CFAP77: variants seen among roughly 807,000 people sequenced by gnomAD.
CFAP77 encodes cilia and flagella associated protein 77, also known as cilia- and flagella-associated protein 77.
In CFAP77, 25 loss-of-function variants were observed where a neutral mutation model predicts 31.1. The ratio of observed to expected loss-of-function variants is 0.80; its 90% CI spans 0.59 to 1.12. The LOEUF is 1.12. CFAP77 is among the 50% of genes most tolerant of loss of function. The probability of loss-of-function intolerance (pLI) is 0.00; values close to 1 mark genes in which losing one functional copy is unlikely to be tolerated. For missense variants in CFAP77, 377 were observed against 397.3 expected (o/e 0.95, Z 0.44); for synonymous variants, 151 against 159.9 (o/e 0.94, Z 0.42).
chr9:132,562,596 A>G (rs1299160123), intron 5 of CFAP77, among the ~76,000 whole-genome samples: 1 of 152,190 alleles, frequency 6.6e-6, no homozygotes, highest in Non-Finnish European at 1.5e-5. Context: ...ACTGTCTAAT[A>G]TAACTTTCTG....
intron 1 of CFAP77, 73 bp downstream of exon 1, chr9:132,410,539 C>T: frequency 7.5e-7 from 1 of 1,333,664 alleles, no homozygotes; most frequent in Non-Finnish European, 1.0e-6. Context: ...GGTCCCCACC[C>T]GCAGCGCCCT....
At chr9:132,457,139 C>T (rs1850931435) in intron 1 of CFAP77, among the ~76,000 whole-genome samples, 1 of 152,080 alleles carries the variant, frequency 6.6e-6, no homozygotes, top group Non-Finnish European at 1.5e-5. Flanking sequence ...AAACCGGTCA[C>T]CCCCACCCCT....
At chr9:132,418,890 A>G (rs1850159784) in intron 1 of CFAP77, among the ~76,000 whole-genome samples, 1 of 152,240 alleles carries the variant, frequency 6.6e-6, no homozygotes, top group Non-Finnish European at 1.5e-5. Context: ...GATTGAGTAC[A>G]CCAGAAATTA....
Position 132,572,536 on chromosome 9 carries a change from C to T in CFAP77, c.*26C>T. On this transcript the variant is annotated 3_prime_UTR_variant, in exon 6 of 6. Transcript: ENST00000393216. The stretch of plus-strand genomic sequence containing the variant: ...CCCCTCCCTCCCCTGCCACAAGAAG[C>T]CATCTTGACATAGTGGAAAATTCCC... 6.3e-7 allele frequency: 1 copy of T among 1,589,432 alleles called. No homozygotes were observed. Among genetic ancestry groups the T allele is most frequent in the South Asian group, 1.1e-5 (1 of 89,322 alleles).
chr9:132,421,152 C>T (rs1488945605), intron 1 of CFAP77, among the ~76,000 whole-genome samples: 7 of 152,048 alleles, frequency 4.6e-5, no homozygotes, highest in Non-Finnish European at 7.4e-5. Flanking sequence ...GAATTACAGG[C>T]GCCTGCCACC....
At chr9:132,515,667 C>G (rs1464810135) in intron 3 of CFAP77, among the ~76,000 whole-genome samples, 2 of 152,140 alleles carry the variant, frequency 1.3e-5, no homozygotes, top group Non-Finnish European at 2.9e-5. Context: ...TCTCTCTCCC[C>G]TCCTTGCCTC....
chr9:132,426,181 G>A (rs751440388), intron 1 of CFAP77, among the ~76,000 whole-genome samples: 3 of 152,154 alleles, frequency 2.0e-5, no homozygotes, highest in South Asian at 2.1e-4. Flanking sequence ...TCTTTTATTT[G>A]TGTCAGGAGA....
rs1215356989 is a variant in CFAP77, at chr9:132,480,318, G to C, written c.196-18377G>C. ...TGGGGTCAACAGCAGGGCAGGAAAGGGCTTTCCCACTTTTTGCCCTCATAG... is the reference window on the plus strand; with the variant it reads ...TGGGGTCAACAGCAGGGCAGGAAAGCGCTTTCCCACTTTTTGCCCTCATAG... On this transcript the variant is annotated intron_variant, in intron 1 of 5. Coordinates refer to ENST00000393216, the MANE Select transcript of CFAP77 (RefSeq NM_001282957.2). The surrounding 1 kb of genome is among the most constrained non-coding windows in gnomAD (Gnocchi z 5.8). 6.6e-6 allele frequency among the ~76,000 whole-genome samples: 1 copy of C among 152,128 alleles called. No individual in the cohort carries two copies. Among genetic ancestry groups the C allele is most frequent in the Non-Finnish European group, 1.5e-5 (1 of 68,002 alleles).
chr9:132,530,136 CTTTTTTTTTTT>C (rs750962954), intron 3 of CFAP77, among the ~76,000 whole-genome samples: 12 of 93,264 alleles, frequency 1.3e-4, no homozygotes, highest in Admixed American at 1.0e-3. Context: ...TCTTTCTTTT[CTTTTTTTTTTT>C]TTTTTTTTTT....
intron 1 of CFAP77, among the ~76,000 whole-genome samples, chr9:132,444,116 G>T (rs1423241940): frequency 6.6e-6 from 1 of 152,236 alleles, no homozygotes; most frequent in Non-Finnish European, 1.5e-5. Context: ...TGGATTCTGA[G>T]AACACCCTTT....
chr9:132,440,116 A>C (rs1850590599), intron 1 of CFAP77, among the ~76,000 whole-genome samples: 1 of 152,048 alleles, frequency 6.6e-6, no homozygotes, highest in African/African-American at 2.4e-5. Flanking sequence ...GGATCACTTG[A>C]GCTCAGGAGT....
chr9:132,560,368 A>G (rs1223723412), intron 5 of CFAP77, among the ~76,000 whole-genome samples: 1 of 152,180 alleles, frequency 6.6e-6, no homozygotes, highest in Non-Finnish European at 1.5e-5. Context: ...TACAAGCTGA[A>G]GAAGCTTAGG....
At chr9:132,462,911 A>T (rs1414011227) in intron 1 of CFAP77, among the ~76,000 whole-genome samples, 1 of 152,038 alleles carries the variant, frequency 6.6e-6, no homozygotes, top group Non-Finnish European at 1.5e-5. Flanking sequence ...CTCCATGAAG[A>T]TAGGCCTGGG....
At chr9:132,568,708 T>C (rs1486813096) in intron 5 of CFAP77, among the ~76,000 whole-genome samples, 1 of 152,094 alleles carries the variant, frequency 6.6e-6, no homozygotes, top group Non-Finnish European at 1.5e-5. Flanking sequence ...AGCTTTGGAA[T>C]AGATTTTTTT....
At chr9:132,559,302 G>A (rs1203940184) in intron 5 of CFAP77, among the ~76,000 whole-genome samples, 16 of 135,648 alleles carry the variant, frequency 1.2e-4, no homozygotes, top group Admixed American at 8.8e-4. Flanking sequence ...CCGAGATCGC[G>A]CCACTGCACT....
chr9:132,433,550 AT>A (rs34728456), intron 1 of CFAP77, among the ~76,000 whole-genome samples: 58,331 of 142,050 alleles, frequency 0.41, 13,276 homozygotes, highest in African/African-American at 0.66. Context: ...CTATTCATTC[AT>A]TTTTTTTTTT....
intron 3 of CFAP77, among the ~76,000 whole-genome samples, chr9:132,518,105 G>A (rs1275241725): frequency 6.6e-6 from 1 of 152,124 alleles, no homozygotes; most frequent in Admixed American, 6.6e-5. Flanking sequence ...TCACGACACA[G>A]GCTGTTCAGG....
intron 1 of CFAP77, among the ~76,000 whole-genome samples, chr9:132,470,372 G>A (rs1379318068): frequency 1.3e-5 from 2 of 152,150 alleles, no homozygotes; most frequent in African/African-American, 4.8e-5. Flanking sequence ...CCTCCAGCTG[G>A]TAAGTGATGG....
intron 4 of CFAP77, among the ~76,000 whole-genome samples, chr9:132,542,066 G>A (rs1852652950): frequency 6.6e-6 from 1 of 152,196 alleles, no homozygotes; most frequent in Non-Finnish European, 1.5e-5. Flanking sequence ...GAGACCCTGT[G>A]AGCTCATGCC....
Sources: gnomAD v4.1 joint callset for allele counts (sites outside exome capture counted in the v4.1 genomes callset) on GRCh38, gnomAD v4.1.1 for gene constraint, Gnocchi (gnomAD v3.1) non-coding constraint, MANE v1.5 for transcripts, NCBI Gene and HGNC (gene_info 2026-07-23, HGNC 2026-07-21) for gene names.